The following DCC variants were observed in gnomAD, a reference collection of about 807,000 sequenced individuals.
The protein encoded by DCC is DCC netrin 1 receptor.
In DCC, 58 loss-of-function variants were observed where a neutral mutation model predicts 172.5. The observed-to-expected ratio is 0.34, with a 90% CI of 0.27 to 0.42. The LOEUF (loss-of-function observed/expected upper bound fraction) is 0.42. Among genes scored for constraint, DCC ranks in the 10% least tolerant of loss-of-function variants. The pLI is 1.00. For synonymous variants in DCC, 709 were observed against 644.5 expected, an observed-to-expected ratio of 1.10 and a Z score of -1.52; for missense variants, 1,740 against 1,791.0, an observed-to-expected ratio of 0.97 and a Z score of 0.51.
intron 23 of DCC, among the ~76,000 whole-genome samples, chr18:53,454,270 G>A (rs2045455778): frequency 6.6e-6 from 1 of 152,158 alleles, no homozygotes; most frequent in Admixed American, 6.6e-5. Flanking sequence ...ACTTAAGCCT[G>A]GGATGTGGAA....
chr18:52,512,611 C>A (rs549641111), intron 1 of DCC, among the ~76,000 whole-genome samples: 1 of 152,060 alleles, frequency 6.6e-6, no homozygotes, highest in Non-Finnish European at 1.5e-5. Context: ...CTACTATGTG[C>A]CAGATAAAAA....
At chr18:52,810,566 C>T (rs2038176778) in intron 2 of DCC, among the ~76,000 whole-genome samples, 1 of 152,068 alleles carries the variant, frequency 6.6e-6, no homozygotes, top group Admixed American at 6.5e-5. Flanking sequence ...TTCCCCCTAC[C>T]CAAAGGTGGG....
intron 9 of DCC, among the ~76,000 whole-genome samples, chr18:53,191,761 GTT>G (rs74885759): frequency 0.34 from 52,263 of 151,784 alleles, 9,909 homozygotes; most frequent in Non-Finnish European, 0.44. Flanking sequence ...TTTACTCAGT[GTT>G]TACTCAGCAT....
chr18:53,124,834 G>A (rs2043532169), intron 7 of DCC, among the ~76,000 whole-genome samples: 1 of 151,920 alleles, frequency 6.6e-6, no homozygotes, highest in South Asian at 2.1e-4. Flanking sequence ...GGTGTGTGTG[G>A]TGGCACATGC....
chr18:53,240,688 T>C (rs748321246), intron 12 of DCC, among the ~76,000 whole-genome samples: 6 of 152,178 alleles, frequency 3.9e-5, no homozygotes, highest in Non-Finnish European at 7.3e-5. Context: ...AGATTGTCGT[T>C]GGGACTAAAT....
intron 2 of DCC, among the ~76,000 whole-genome samples, chr18:52,896,309 A>G (rs1260599469): frequency 7.0e-6 from 1 of 143,378 alleles, no homozygotes; most frequent in African/African-American, 2.6e-5. Context: ...ATTAAAGTAA[A>G]ACAAGCAAAT....
chr18:53,469,206 C>T (rs1025576470), intron 25 of DCC, among the ~76,000 whole-genome samples: 7 of 152,160 alleles, frequency 4.6e-5, no homozygotes, highest in African/African-American at 1.7e-4. Context: ...AGTCTCATCT[C>T]CCTTGGTCTT....
intron 1 of DCC, among the ~76,000 whole-genome samples, chr18:52,703,568 C>T (rs981864006): frequency 2.0e-5 from 3 of 151,906 alleles, no homozygotes; most frequent in Admixed American, 6.6e-5. Context: ...ATTTGAACAG[C>T]GAGGAAAAGT....
intron 7 of DCC, among the ~76,000 whole-genome samples, chr18:53,108,234 A>AGTCAAATAT (rs1303580929): frequency 6.6e-6 from 1 of 151,766 alleles, no homozygotes; most frequent in Non-Finnish European, 1.5e-5. Context: ...AATTCCTTTG[A>AGTCAAATAT]GTCAAGAAAC....
intron 22 of DCC, among the ~76,000 whole-genome samples, chr18:53,435,806 G>A (rs1202363272): frequency 6.6e-6 from 1 of 152,162 alleles, no homozygotes; most frequent in Non-Finnish European, 1.5e-5. Context: ...GAGCTACATA[G>A]AAGGACAAGG....
intron 8 of DCC, among the ~76,000 whole-genome samples, chr18:53,160,932 T>C (rs975600235): frequency 6.6e-6 from 1 of 152,190 alleles, no homozygotes; most frequent in Non-Finnish European, 1.5e-5. Context: ...AAGCGAAACT[T>C]TCACTTGTGC....
rs66600556 is a variant in DCC, at chr18:52,996,772, C to CT, written c.986-66514dup. Among the ~76,000 whole-genome samples the CT allele has an allele frequency of 4.7e-3, 545 of 117,112 alleles. 3 individuals are homozygous for CT. The highest frequency in any genetic ancestry group is 0.039 in the South Asian group (138 of 3,562). 76.8% of individuals were successfully genotyped at this position (117,112 alleles called of 152,430 possible). ...CTCTTCTCAAACACATCACCTTTTTCTTTTTTTTTTTTTTTTTTTGCCTCT... is the reference window on the plus strand; with the variant it reads ...CTCTTCTCAAACACATCACCTTTTTCTTTTTTTTTTTTTTTTTTTTGCCTCT... On this transcript the variant is annotated intron_variant, in intron 5 of 28. Coordinates refer to ENST00000442544, the MANE Select transcript of DCC (RefSeq NM_005215.4).
At chr18:52,666,985 G>A (rs1265936749) in intron 1 of DCC, among the ~76,000 whole-genome samples, 1 of 152,052 alleles carries the variant, frequency 6.6e-6, no homozygotes, top group Non-Finnish European at 1.5e-5. Context: ...TAATAAGAAC[G>A]AAATTGAATT....
chr18:52,875,048 A>G (rs1438143304), intron 2 of DCC, among the ~76,000 whole-genome samples: 1 of 152,056 alleles, frequency 6.6e-6, no homozygotes, highest in African/African-American at 2.4e-5. Context: ...TGTTTGGGCC[A>G]GACAGAGGAA....
intron 3 of DCC, among the ~76,000 whole-genome samples, chr18:52,909,592 T>C (rs1010943103): frequency 3.3e-5 from 5 of 152,226 alleles, no homozygotes; most frequent in African/African-American, 4.8e-5. Flanking sequence ...TTGCCTCTTT[T>C]ATATATCAGG....
At chr18:52,717,948 CAAAAGAACAA>C (rs1448616528) in intron 1 of DCC, among the ~76,000 whole-genome samples, 3 of 151,606 alleles carry the variant, frequency 2.0e-5, no homozygotes, top group Non-Finnish European at 4.4e-5. Flanking sequence ...ACCTCACACA[CAAAAGAACAA>C]AAAACCAAAC....
intron 5 of DCC, among the ~76,000 whole-genome samples, chr18:53,026,698 G>A (rs1369823594): frequency 9.2e-5 from 14 of 152,018 alleles, no homozygotes; most frequent in Admixed American, 7.2e-4. Flanking sequence ...TGGAACTGCA[G>A]GTGCGTGCTG....
intron 1 of DCC, among the ~76,000 whole-genome samples, chr18:52,698,764 A>ATTTTTTTTTTTTT: frequency 7.5e-6 from 1 of 134,182 alleles, no homozygotes; most frequent in Non-Finnish European, 1.6e-5. Flanking sequence ...ACGCCTGGCT[A>ATTTTTTTTTTTTT]TTTTTTTTTT....
intron 1 of DCC, among the ~76,000 whole-genome samples, chr18:52,743,616 G>A (rs930259252): frequency 2.6e-5 from 4 of 152,172 alleles, no homozygotes; most frequent in African/African-American, 9.7e-5. Flanking sequence ...TTAGCCAGAG[G>A]ACACTCAGGC....
Sources: gnomAD v4.1 joint callset for allele counts (sites outside exome capture counted in the v4.1 genomes callset) on GRCh38, gnomAD v4.1.1 for gene constraint, MANE v1.5 for transcripts, NCBI Gene and HGNC (gene_info 2026-07-23, HGNC 2026-07-21) for gene names.